Variants in BARX2 observed in about 807,000 individuals in gnomAD.
The protein encoded by BARX2 is BARX homeobox 2, also known as homeobox protein BarH-like 2.
A neutral mutation model predicts 25.5 loss-of-function variants in BARX2; 11 were observed. That is an observed-to-expected ratio of 0.43 (90% CI 0.27 to 0.71). The LOEUF (loss-of-function observed/expected upper bound fraction) is 0.71. Among genes scored for constraint, BARX2 ranks in the 30% least tolerant of loss-of-function variants. BARX2 has a pLI of 0.19. For missense variants in BARX2, 360 were observed against 359.9 expected (o/e 1.00, Z 0.00); for synonymous variants, 137 against 149.5 (o/e 0.92, Z 0.61).
At chr11:129,446,592 C>A (rs749503767) in intron 3 of BARX2, among the ~76,000 whole-genome samples, 1 of 152,132 alleles carries the variant, frequency 6.6e-6, no homozygotes, top group Non-Finnish European at 1.5e-5. Flanking sequence ...GCCACAAAAT[C>A]CATGTCTTCA....
At chr11:129,399,526 T>C (rs141008216) in intron 1 of BARX2, among the ~76,000 whole-genome samples, 6 of 152,202 alleles carry the variant, frequency 3.9e-5, no homozygotes, top group East Asian at 1.9e-4. Flanking sequence ...AGCCCCAGAA[T>C]TGGGGCTTAG....
chr11:129,402,100 C>T (rs556396234), intron 1 of BARX2, among the ~76,000 whole-genome samples: 1 of 150,056 alleles, frequency 6.7e-6, no homozygotes, highest in Admixed American at 6.6e-5. Flanking sequence ...TATAAATCAT[C>T]GTAGTGTATG....
intron 1 of BARX2, among the ~76,000 whole-genome samples, chr11:129,418,107 T>G (rs1861964301): frequency 6.6e-6 from 1 of 152,188 alleles, no homozygotes; most frequent in Non-Finnish European, 1.5e-5. Context: ...TGCACTTTGT[T>G]TTGTACCACA....
chr11:129,428,592 G>A (rs958925041), intron 1 of BARX2, among the ~76,000 whole-genome samples: 2 of 152,310 alleles, frequency 1.3e-5, no homozygotes, highest in Admixed American at 1.3e-4. Flanking sequence ...AATTAGAAAA[G>A]ACAGCAAGCA....
chr11:129,434,421 T>TAAAAAAAAAAAAAAAAAAAAAAAAAAAAA (rs56344103), intron 1 of BARX2, among the ~76,000 whole-genome samples: 2 of 76,378 alleles, frequency 2.6e-5, no homozygotes, highest in Admixed American at 1.9e-4. Context: ...AAAAAGTAAG[T>TAAAAAAAAAAAAAAAAAAAAAAAAAAAAA]AAAAAAAAAA....
At chr11:129,443,018 G>A (rs1335824697) in intron 3 of BARX2, 99 bp downstream of exon 3, 4 of 1,096,524 alleles carry the variant, frequency 3.6e-6, no homozygotes, top group South Asian at 1.3e-5. Context: ...AGTTTGGGCT[G>A]CAGAGATTGG....
chr11:129,378,034 A>T lies in BARX2; in HGVS notation c.187+1812A>T, dbSNP rs140676343. 4.4e-4 allele frequency among the ~76,000 whole-genome samples: 67 copies of T among 152,336 alleles called. No homozygotes were observed. In the East Asian group the frequency reaches 5.6e-3, roughly 13 times the overall value. On this transcript the variant is annotated intron_variant, in intron 1 of 3. Coordinates refer to ENST00000281437, the MANE Select transcript of BARX2 (RefSeq NM_003658.5). Reference sequence around the variant, plus strand: ...ATCAGAGGAAAAAAAAATGATTCATATGTAGTTTTGTGAGTGTTATAAGTG... The same window carrying T: ...ATCAGAGGAAAAAAAAATGATTCATTTGTAGTTTTGTGAGTGTTATAAGTG...
At chr11:129,380,111 T>C (rs1359724065) in intron 1 of BARX2, among the ~76,000 whole-genome samples, 2 of 151,930 alleles carry the variant, frequency 1.3e-5, no homozygotes, top group Non-Finnish European at 2.9e-5. Context: ...TTCAGTCCAC[T>C]GTATGCCACT....
Position 129,432,779 on chromosome 11 carries a change from A to T in BARX2, c.188-3972A>T, listed in dbSNP as rs191371385. 7.9e-4 allele frequency among the ~76,000 whole-genome samples: 120 copies of T among 152,218 alleles called. 1 individual carries two copies. The highest frequency in any genetic ancestry group is 5.8e-3 in the Admixed American group (88 of 15,294). On this transcript the variant is annotated intron_variant, in intron 1 of 3. Coordinates refer to ENST00000281437, the MANE Select transcript of BARX2 (RefSeq NM_003658.5). The stretch of plus-strand genomic sequence containing the variant: ...GTAACTTTCCTTTTTAAAAAATTTT[A>T]AAAAAAAGATACGCACCTGTGCAAA...
At chr11:129,406,850 AT>A (rs1861835542) in intron 1 of BARX2, among the ~76,000 whole-genome samples, 1 of 152,224 alleles carries the variant, frequency 6.6e-6, no homozygotes, top group African/African-American at 2.4e-5. Flanking sequence ...CACTGGAGTA[AT>A]TAAAGAACTG....
At chr11:129,434,754 T>G (rs757960809) in intron 1 of BARX2, among the ~76,000 whole-genome samples, 1 of 152,230 alleles carries the variant, frequency 6.6e-6, no homozygotes, top group Non-Finnish European at 1.5e-5. Context: ...AGTGACTTGG[T>G]AGATACTGCT....
intron 1 of BARX2, among the ~76,000 whole-genome samples, chr11:129,385,725 A>C (rs575722682): frequency 6.6e-6 from 1 of 152,216 alleles, no homozygotes; most frequent in Non-Finnish European, 1.5e-5. Context: ...AAGTATTACG[A>C]TGTGAAGAAA....
At chr11:129,379,199 C>A (rs1484373279) in intron 1 of BARX2, among the ~76,000 whole-genome samples, 1 of 152,168 alleles carries the variant, frequency 6.6e-6, no homozygotes, top group Non-Finnish European at 1.5e-5. Flanking sequence ...CTGTAAGCCT[C>A]ACCACAGAAC....
intron 1 of BARX2, among the ~76,000 whole-genome samples, chr11:129,385,737 T>C (rs1861611240): frequency 6.6e-6 from 1 of 152,210 alleles, no homozygotes; most frequent in African/African-American, 2.4e-5. Flanking sequence ...GTGAAGAAAC[T>C]TGGGTCATGG....
chr11:129,425,536 T>C (rs897189803), intron 1 of BARX2, among the ~76,000 whole-genome samples: 2 of 152,190 alleles, frequency 1.3e-5, no homozygotes, highest in Admixed American at 1.3e-4. Context: ...GGCTGCGGGC[T>C]GGATGATGAC....
chr11:129,435,832 T>A (rs1862181894), intron 1 of BARX2, among the ~76,000 whole-genome samples: 1 of 152,222 alleles, frequency 6.6e-6, no homozygotes, highest in African/African-American at 2.4e-5. Context: ...TAACAGATTG[T>A]TGGACAGAAA....
intron 1 of BARX2, among the ~76,000 whole-genome samples, chr11:129,396,926 G>T (rs2135390907): frequency 6.6e-6 from 1 of 152,230 alleles, no homozygotes; most frequent in Admixed American, 6.5e-5. Flanking sequence ...TAAAGTAGAG[G>T]CTGAGTAGTT....
rs1242022127 is a variant in BARX2 at position 129,451,387 on chromosome 11, C to T, written c.825C>T (p.Pro275=). The change falls in exon 4 of 4, where the codon CCC becomes CCT. Residue 275 remains proline (P), a synonymous_variant. Transcript: ENST00000281437. The part of the protein sequence containing the change: ...PQELPIPSSE[P]PPLS Reference sequence around the variant, plus strand: ...AGTTGCCAATACCCTCTTCGGAACCCCCACCATTAAGCTAAAGTAAAACCC... The same window carrying T: ...AGTTGCCAATACCCTCTTCGGAACCTCCACCATTAAGCTAAAGTAAAACCC... 6.2e-7 allele frequency: 1 copy of T among 1,613,440 alleles called. No individual in the cohort carries two copies. The highest frequency in any genetic ancestry group is 1.1e-5 in the South Asian group (1 of 91,048).
rs79858308 is a variant in BARX2, at chr11:129,429,022, T to C, written c.188-7729T>C. On this transcript the variant is annotated intron_variant, in intron 1 of 3. Coordinates refer to ENST00000281437, the MANE Select transcript of BARX2 (RefSeq NM_003658.5). ...TAGAAGTTGTGTTTTTTTTTTTTTT[T>C]CATGAAGATTTTTCATTAGGTTTAA... 1.4e-3 allele frequency among the ~76,000 whole-genome samples: 216 copies of C among 149,596 alleles called. 2 individuals carry two copies. The highest frequency in any genetic ancestry group is 4.8e-3 in the African/African-American group (192 of 40,106).
Sources: gnomAD v4.1 joint callset for allele counts (sites outside exome capture counted in the v4.1 genomes callset) on GRCh38, gnomAD v4.1.1 for gene constraint, MANE v1.5 for transcripts, NCBI Gene and HGNC (gene_info 2026-07-23, HGNC 2026-07-21) for gene names.